Variants in DCHS2 observed in about 807,000 individuals in gnomAD.
DCHS2 encodes protocadherin-23.
A neutral mutation model predicts 182.4 loss-of-function variants in DCHS2; 142 were observed. That is an observed-to-expected ratio of 0.78 (90% CI 0.68 to 0.89). The LOEUF (loss-of-function observed/expected upper bound fraction) is 0.89, where lower values mean the gene tolerates loss of function less well. Among genes scored for constraint, DCHS2 ranks in the 40% least tolerant of loss-of-function variants. The pLI, the probability that DCHS2 is intolerant of heterozygous loss-of-function variation, is 0.00. For synonymous variants in DCHS2, 1,740 were observed against 1,663.3 expected, an observed-to-expected ratio of 1.05 and a Z score of -1.12; for missense variants, 4,319 against 4,198.6, an observed-to-expected ratio of 1.03 and a Z score of -0.79.
intron 1 of DCHS2, among the ~76,000 whole-genome samples, chr4:154,472,749 C>T (rs1304747385): frequency 6.6e-6 from 1 of 152,086 alleles, no homozygotes; most frequent in Non-Finnish European, 1.5e-5. Flanking sequence ...GATGACCCCA[C>T]CCTGCCCACA....
chr4:154,382,004 T>G (rs948944013), intron 1 of DCHS2, among the ~76,000 whole-genome samples: 1 of 152,146 alleles, frequency 6.6e-6, no homozygotes, highest in African/African-American at 2.4e-5. Flanking sequence ...AGAACAAAGT[T>G]GGAGGCATCA....
intron 12 of DCHS2, among the ~76,000 whole-genome samples, chr4:154,303,414 A>T (rs771834945): frequency 6.0e-5 from 9 of 150,816 alleles, no homozygotes; most frequent in Non-Finnish European, 1.2e-4. Flanking sequence ...CTTTAAAAAA[A>T]GTTTAGTTGA....
intron 12 of DCHS2, among the ~76,000 whole-genome samples, chr4:154,300,792 A>G (rs1262509705): frequency 6.6e-6 from 1 of 152,204 alleles, no homozygotes. Context: ...ATCTGAAACA[A>G]TATTTGCGTG....
intron 13 of DCHS2, among the ~76,000 whole-genome samples, chr4:154,277,681 T>A (rs1355456115): frequency 1.4e-5 from 2 of 146,516 alleles, no homozygotes; most frequent in Non-Finnish European, 3.0e-5. Flanking sequence ...AAAAAATGGC[T>A]GAATCAATGG....
intron 1 of DCHS2, among the ~76,000 whole-genome samples, chr4:154,475,024 T>C (rs4696583): frequency 0.53 from 79,803 of 151,882 alleles, 21,468 homozygotes; most frequent in East Asian, 0.84. Context: ...TTATAATTTA[T>C]ATTATTTCTG....
In DCHS2 at chr4:154,236,335, T is replaced by G. The variant is rs546084745; in HGVS notation, c.8317A>C (p.Ser2773Arg). The G allele has an allele frequency of 6.2e-7, 1 of 1,613,938 alleles. No homozygotes were observed. The highest frequency in any genetic ancestry group is 1.3e-5 in the African/African-American group (1 of 74,918). ...NDHAPQFMFS[S>R]FSCIVPENLP... ...TTTTCTGGAACAATACAGCTGAAGC[T>G]TGAGAACATAAACTGAGGTGCATGG... Residue 2773 changes from serine to arginine, a missense_variant, in exon 20 of 20, where the codon AGC becomes CGC. Physicochemically the swap from Ser to Arg is moderately radical, Grantham distance 110. Transcript: ENST00000357232.
At chr4:154,342,499 T>A (rs181182128) in intron 3 of DCHS2, among the ~76,000 whole-genome samples, 2 of 152,356 alleles carry the variant, frequency 1.3e-5, no homozygotes, top group Admixed American at 1.3e-4. Context: ...TCCTAGGCCC[T>A]ACTGATGATT....
intron 1 of DCHS2, among the ~76,000 whole-genome samples, chr4:154,452,755 C>G (rs1734590560): frequency 6.6e-6 from 1 of 152,052 alleles, no homozygotes; most frequent in Admixed American, 6.5e-5. Context: ...TAAGAAGGAT[C>G]TACATAAGTG....
Position 154,233,230 on chromosome 4 carries a change from C to T in DCHS2, c.*1306G>A, listed in dbSNP as rs1010852954. The T allele has an allele frequency of 6.6e-6, 1 of 152,132 alleles. No homozygotes were observed. Among genetic ancestry groups the T allele is most frequent in the Non-Finnish European group, 1.5e-5 (1 of 68,012 alleles). 9.4% of individuals were successfully genotyped at this position (152,132 alleles called of 1,614,324 possible). A position where few individuals can be genotyped will look rare whatever the true frequency, so the allele number is the denominator to read the frequency against. On this transcript the variant is annotated 3_prime_UTR_variant, in exon 20 of 20. Transcript: ENST00000357232. ...AGGAAGAGGACTTCTGAACCACCAT[C>T]GTCAGGATGCTGTCCACCTTCCTGA...
chr4:154,443,488 T>C (rs1339866517), intron 1 of DCHS2, among the ~76,000 whole-genome samples: 1 of 152,198 alleles, frequency 6.6e-6, no homozygotes, highest in East Asian at 1.9e-4. Flanking sequence ...CTTATTTCCC[T>C]GAGAACACAA....
intron 7 of DCHS2, among the ~76,000 whole-genome samples, chr4:154,327,137 G>A (rs1486249785): frequency 1.3e-5 from 2 of 152,070 alleles, no homozygotes; most frequent in Non-Finnish European, 2.9e-5. Flanking sequence ...GATCCTATCT[G>A]TGTTGTTTTG....
Position 154,255,677 on chromosome 4 carries a change from G to A in DCHS2, c.6790-7C>T, listed in dbSNP as rs745418227. 2 of 1,610,522 alleles carry A rather than the reference G, an allele frequency of 1.2e-6. No individual in the cohort carries two copies. The highest frequency in any genetic ancestry group is 1.1e-5 in the South Asian group (1 of 89,986). On this transcript the variant is annotated splice_region_variant and splice_polypyrimidine_tract_variant and intron_variant, in intron 15 of 19. Transcript: ENST00000357232. ...CCAAGTCGGTAGCAAAAACCTGTGA[G>A]GAACCGACTGTTTCATTAGATAAGA... is the stretch of plus-strand genomic sequence containing the variant.
Position 154,298,001 on chromosome 4 carries a change from G to A in DCHS2, c.6313C>T (p.Pro2105Ser), listed in dbSNP as rs1205142466. 9.9e-6 allele frequency: 16 copies of A among 1,614,040 alleles called. No homozygotes were observed. In the Middle Eastern group the frequency reaches 1.2e-3, roughly 116 times the overall value. Reference protein sequence around the residue: ...FQQNPSSEYFPIWLQLKVTDQ... With the variant: ...FQQNPSSEYFSIWLQLKVTDQ... ...GTAACTTTTAACTGCAGCCAGATAG[G>A]GAAGTATTCTGAAGATGGATTTTGC... The change falls in exon 13 of 20, where the codon CCT (proline) becomes TCT (serine). Residue 2105 changes from proline to serine, a missense_variant. Transcript: ENST00000357232.
rs1329942817 is a variant in DCHS2, at chr4:154,490,389, G to C, written c.967C>G (p.Arg323Gly). Reference protein sequence around the residue: ...AEVCRVRATDRDLGPNGFVRY... With the variant: ...AEVCRVRATDGDLGPNGFVRY... ...ACGAAGCCATTGGGCCCCAGGTCGC[G>C]GTCGGTGGCGCGCACGCGACAGACC... Residue 323 changes from arginine (R) to glycine (G), a missense_variant, in exon 1 of 20, where the codon CGC becomes GGC. Arg to Gly is a moderately radical substitution (Grantham distance 125). Transcript: ENST00000357232. 3 of 1,533,482 alleles carry C rather than the reference G, an allele frequency of 2.0e-6. No individual in the cohort carries two copies. The highest frequency in any genetic ancestry group is 2.5e-5 in the East Asian group (1 of 40,594). 95.0% of individuals were successfully genotyped at this position (1,533,482 alleles called of 1,614,324 possible).
At chr4:154,277,157 T>C (rs959080934) in intron 13 of DCHS2, among the ~76,000 whole-genome samples, 1 of 152,216 alleles carries the variant, frequency 6.6e-6, no homozygotes, top group Non-Finnish European at 1.5e-5. Flanking sequence ...GCTTTTTCTT[T>C]TCTTACTGCC....
At chr4:154,291,284 G>GA (rs367610358) in intron 13 of DCHS2, among the ~76,000 whole-genome samples, 271 of 148,426 alleles carry the variant, frequency 1.8e-3, no homozygotes, top group East Asian at 3.7e-3. Context: ...CAAAAGACAG[G>GA]AAAAAAAAAA....
At chr4:154,323,988 A>G (rs1736183225) in intron 7 of DCHS2, among the ~76,000 whole-genome samples, 1 of 152,174 alleles carries the variant, frequency 6.6e-6, no homozygotes. Flanking sequence ...TAGCTGGAAT[A>G]TTTCAATAAA....
chr4:154,244,174 C>A (rs1191735232), intron 16 of DCHS2, among the ~76,000 whole-genome samples: 1 of 152,142 alleles, frequency 6.6e-6, no homozygotes, highest in Non-Finnish European at 1.5e-5. Flanking sequence ...ATTTGTCTGC[C>A]TCTTCTGTAA....
intron 3 of DCHS2, among the ~76,000 whole-genome samples, chr4:154,365,937 C>T (rs905468753): frequency 6.6e-6 from 1 of 151,892 alleles, no homozygotes; most frequent in Admixed American, 6.6e-5. Context: ...TGTGAGCCAC[C>T]GCACCCAGTC....
Sources: gnomAD v4.1 joint callset for allele counts (sites outside exome capture counted in the v4.1 genomes callset) on GRCh38, gnomAD v4.1.1 for gene constraint, MANE v1.5 for transcripts, NCBI Gene and HGNC (gene_info 2026-07-23, HGNC 2026-07-21) for gene names.